Variants in ASIC2 observed in about 807,000 individuals in gnomAD.
ASIC2 encodes acid-sensing ion channel 2.
A neutral mutation model predicts 57.3 loss-of-function variants in ASIC2; 25 were observed. That is an observed-to-expected ratio of 0.44 (90% CI 0.32 to 0.61). The LOEUF is 0.61. Among genes scored for constraint, ASIC2 ranks in the 20% least tolerant of loss-of-function variants. The pLI, the probability that ASIC2 is intolerant of heterozygous loss-of-function variation, is 0.06. For missense variants in ASIC2, 641 were observed against 738.1 expected (o/e 0.87, Z 1.52); for synonymous variants, 319 against 307.5 (o/e 1.04, Z -0.39).
At chr17:33,736,119 A>C (rs1387967662) in intron 1 of ASIC2, among the ~76,000 whole-genome samples, 1 of 152,016 alleles carries the variant, frequency 6.6e-6, no homozygotes, top group Non-Finnish European at 1.5e-5. Context: ...GTGCTCAATA[A>C]ATATTTGCTG....
At chr17:33,454,770 G>A (rs141564845) in intron 1 of ASIC2, among the ~76,000 whole-genome samples, 17 of 152,286 alleles carry the variant, frequency 1.1e-4, no homozygotes, top group African/African-American at 3.6e-4. Flanking sequence ...TGTCTGGTGA[G>A]GGATCTCAGC....
rs5820017 is a variant in ASIC2 at position 33,110,049 on chromosome 17, C to CTGTGTG, written c.859+1862_859+1867dup. ...TGGTACTGAGAGTGCATGTGTGTGT[C>CTGTGTG]TGTGTGTGTGTGTGTGTGTGTGTAC... is the stretch of plus-strand genomic sequence containing the variant. On this transcript the variant is annotated intron_variant, in intron 2 of 9. Coordinates refer to ENST00000225823, the MANE Select transcript of ASIC2 (RefSeq NM_183377.2). Among the ~76,000 whole-genome samples, 173 of 149,610 alleles carry CTGTGTG rather than the reference C, an allele frequency of 1.2e-3. 1 individual carries two copies. The highest frequency in any genetic ancestry group is 0.01 in the Middle Eastern group (3 of 288).
At chr17:33,376,849 C>A (rs978186016) in intron 1 of ASIC2, among the ~76,000 whole-genome samples, 1 of 152,138 alleles carries the variant, frequency 6.6e-6, no homozygotes, top group Non-Finnish European at 1.5e-5. Flanking sequence ...TGGGCACTAA[C>A]CATGGCCTTG....
intron 1 of ASIC2, among the ~76,000 whole-genome samples, chr17:34,139,776 G>A (rs1485091523): frequency 6.6e-6 from 1 of 152,052 alleles, no homozygotes; most frequent in African/African-American, 2.4e-5. Context: ...GGAAATTGGG[G>A]AAGCAGGGTG....
intron 1 of ASIC2, among the ~76,000 whole-genome samples, chr17:33,761,046 A>T (rs1266126144): frequency 6.6e-6 from 1 of 152,154 alleles, no homozygotes; most frequent in African/African-American, 2.4e-5. Context: ...ACACACCTGG[A>T]TGAGTGTGTA....
chr17:34,152,514 C>G (rs939528193), intron 1 of ASIC2, among the ~76,000 whole-genome samples: 5 of 152,168 alleles, frequency 3.3e-5, no homozygotes, highest in African/African-American at 1.2e-4. Context: ...CAGTAGCCAC[C>G]TCTCCCTCCC....
At chr17:33,445,177 C>T (rs995185928) in intron 1 of ASIC2, among the ~76,000 whole-genome samples, 19 of 152,180 alleles carry the variant, frequency 1.2e-4, no homozygotes, top group African/African-American at 4.6e-4. Context: ...TGGCTCACAC[C>T]TAGCACTTTG....
At chr17:33,370,134 G>C (rs1908990750) in intron 1 of ASIC2, among the ~76,000 whole-genome samples, 1 of 152,184 alleles carries the variant, frequency 6.6e-6, no homozygotes, top group Non-Finnish European at 1.5e-5. Context: ...AGCCACCTTA[G>C]GGACAGGCTG....
At chr17:33,767,741 T>C (rs1910974839) in intron 1 of ASIC2, among the ~76,000 whole-genome samples, 1 of 152,210 alleles carries the variant, frequency 6.6e-6, no homozygotes, top group Non-Finnish European at 1.5e-5. Flanking sequence ...TAAGGCCAAT[T>C]TACTTGTAAC....
chr17:33,014,251 C>T (rs1342170639), intron 9 of ASIC2, among the ~76,000 whole-genome samples, 185 bp from the exon 10 acceptor site: 2 of 152,134 alleles, frequency 1.3e-5, no homozygotes, highest in Admixed American at 1.3e-4. Flanking sequence ...CTTACCATTG[C>T]ACACCTGGGT....
chr17:33,702,681 A>G, intron 1 of ASIC2, among the ~76,000 whole-genome samples: 1 of 152,262 alleles, frequency 6.6e-6, no homozygotes, highest in Admixed American at 6.5e-5. Flanking sequence ...GAGTTGGGAC[A>G]CAGAACAAAT....
chr17:33,352,808 T>G (rs995480916), intron 1 of ASIC2, among the ~76,000 whole-genome samples: 3 of 152,116 alleles, frequency 2.0e-5, no homozygotes, highest in Admixed American at 6.5e-5. Flanking sequence ...CTGTGCAGTT[T>G]CTCTTCGGCT....
chr17:33,909,832 G>A (rs1047189510), intron 1 of ASIC2, among the ~76,000 whole-genome samples: 8 of 152,274 alleles, frequency 5.3e-5, no homozygotes, highest in African/African-American at 9.6e-5. Flanking sequence ...AAGAGGCTGC[G>A]TTTCTTTGAA....
At chr17:33,237,352 G>GT (rs61364467) in intron 1 of ASIC2, among the ~76,000 whole-genome samples, 16,222 of 143,120 alleles carry the variant, frequency 0.11, 1,855 homozygotes, top group African/African-American at 0.3. Flanking sequence ...CCACTTAGTA[G>GT]TTTTTTTTTT....
At chr17:33,498,325 G>A (rs1204536204) in intron 1 of ASIC2, among the ~76,000 whole-genome samples, 1 of 152,212 alleles carries the variant, frequency 6.6e-6, no homozygotes, top group African/African-American at 2.4e-5. Flanking sequence ...TCCCCAAAGA[G>A]CAAAACATCA....
At chr17:33,449,844 G>A (rs917490246) in intron 1 of ASIC2, among the ~76,000 whole-genome samples, 4 of 151,484 alleles carry the variant, frequency 2.6e-5, no homozygotes, top group Admixed American at 1.3e-4. Context: ...GCACAATCTT[G>A]GCTCACTCTA....
chr17:33,691,486 T>C (rs1908366963), intron 1 of ASIC2, among the ~76,000 whole-genome samples: 1 of 152,258 alleles, frequency 6.6e-6, no homozygotes, highest in Non-Finnish European at 1.5e-5. Flanking sequence ...ATCAATCATG[T>C]TTGCACATTT....
intron 1 of ASIC2, chr17:33,932,741 A>AAAATATATATATAT (rs1555572867): frequency 1.7e-5 from 1 of 58,710 alleles, no homozygotes; most frequent in Non-Finnish European, 3.1e-5. Context: ...AAAAAAAAAA[A>AAAATATATATATAT]ATATATATAT....
At chr17:33,858,722 C>A (rs1914027121) in intron 1 of ASIC2, among the ~76,000 whole-genome samples, 2 of 152,068 alleles carry the variant, frequency 1.3e-5, no homozygotes, top group Non-Finnish European at 2.9e-5. Flanking sequence ...CTTTGGGTGT[C>A]CTCTGGGAAT....
Sources: gnomAD v4.1 joint callset for allele counts (sites outside exome capture counted in the v4.1 genomes callset) on GRCh38, gnomAD v4.1.1 for gene constraint, MANE v1.5 for transcripts, NCBI Gene and HGNC (gene_info 2026-07-23, HGNC 2026-07-21) for gene names.